The following SGCD variants were observed in gnomAD, a reference collection of about 807,000 sequenced individuals.
The protein encoded by SGCD is delta-sarcoglycan.
SGCD carries 18 observed loss-of-function variants against 36.6 expected under a neutral mutation model. That is an observed-to-expected ratio of 0.49 (90% CI 0.34 to 0.73). SGCD has a LOEUF of 0.73. Among genes scored for constraint, SGCD ranks in the 30% least tolerant of loss-of-function variants. The pLI is 0.01. For synonymous variants in SGCD, 133 were observed against 130.6 expected (o/e 1.02, Z -0.12); for missense variants, 387 against 346.7 (o/e 1.12, Z -0.92).
the SGCD span, among the ~76,000 whole-genome samples, chr5:155,827,186 G>A: frequency 6.6e-6 from 1 of 152,080 alleles, no homozygotes; most frequent in African/African-American, 2.4e-5. Context: ...AATACCTAAC[G>A]GATCAGTTAG....
the SGCD span, among the ~76,000 whole-genome samples, chr5:155,856,489 T>C: frequency 2.0e-5 from 3 of 152,172 alleles, no homozygotes; most frequent in South Asian, 4.1e-4. Context: ...ATGCTGCCTA[T>C]TGAAAACCAT....
intron 1 of SGCD, among the ~76,000 whole-genome samples, chr5:155,971,043 C>T (rs767951029): frequency 1.3e-5 from 2 of 152,102 alleles, no homozygotes; most frequent in Non-Finnish European, 2.9e-5. Context: ...CAAGGAGATA[C>T]ACCTGTTTCA....
chr5:156,523,717 G>T (rs771648843), intron 4 of SGCD, among the ~76,000 whole-genome samples: 2 of 151,846 alleles, frequency 1.3e-5, no homozygotes, highest in Non-Finnish European at 2.9e-5. Flanking sequence ...GAGTTCAGGG[G>T]CAGTCTCACA....
At chr5:156,498,184 C>G (rs1288446323) in intron 3 of SGCD, among the ~76,000 whole-genome samples, 2 of 148,156 alleles carry the variant, frequency 1.3e-5, no homozygotes, top group Non-Finnish European at 3.0e-5. Context: ...TTTATGGATT[C>G]AGGGAATTCC....
At chr5:156,326,614 A>G (rs2127699168), upstream of SGCD, 1 of 152,382 alleles carries the variant, frequency 6.6e-6, no homozygotes, top group African/African-American at 2.4e-5. Context: ...AGCGGCAGGT[A>G]GGGAGATCAA....
chr5:156,566,729 T>C (rs977266338), intron 4 of SGCD, among the ~76,000 whole-genome samples: 6 of 152,184 alleles, frequency 3.9e-5, no homozygotes, highest in African/African-American at 2.4e-5. Context: ...AATAATGATA[T>C]ATTAAAATTA....
chr5:155,896,515 G>C (rs1214472541), intron 1 of SGCD, among the ~76,000 whole-genome samples: 1 of 151,368 alleles, frequency 6.6e-6, no homozygotes, highest in Non-Finnish European at 1.5e-5. Context: ...CCACGATGAT[G>C]TGCGCTTATA....
intron 3 of SGCD, among the ~76,000 whole-genome samples, chr5:156,461,022 C>T (rs957761327): frequency 1.3e-5 from 2 of 152,074 alleles, no homozygotes; most frequent in Non-Finnish European, 2.9e-5. Context: ...CAGAATAGCT[C>T]ATAGAGAAAG....
At chr5:156,558,125 T>TATATATATA (rs56304932) in intron 4 of SGCD, among the ~76,000 whole-genome samples, 2,301 of 107,478 alleles carry the variant, frequency 0.021, 131 homozygotes, top group African/African-American at 0.034. Context: ...ATATATATAT[T>TATATATATA]ATTTAACTCT....
chr5:156,295,045 G>A (rs530010463), intron 3 of SGCD, among the ~76,000 whole-genome samples: 8 of 152,122 alleles, frequency 5.3e-5, no homozygotes, highest in Non-Finnish European at 1.2e-4. Flanking sequence ...AGGTTGGAAA[G>A]GATTGCTATT....
At chr5:156,669,200 C>T (rs548819388) in intron 7 of SGCD, among the ~76,000 whole-genome samples, 9 of 152,144 alleles carry the variant, frequency 5.9e-5, no homozygotes, top group Non-Finnish European at 1.3e-4. Flanking sequence ...CCACACCATT[C>T]GCAGCTGATC....
chr5:156,382,378 G>C (rs1771032255), intron 3 of SGCD, among the ~76,000 whole-genome samples: 1 of 152,154 alleles, frequency 6.6e-6, no homozygotes, highest in African/African-American at 2.4e-5. Flanking sequence ...AAAGCAAAAA[G>C]CCTATCAGGA....
At chr5:156,286,835 G>C (rs920760047) in intron 3 of SGCD, among the ~76,000 whole-genome samples, 1 of 151,084 alleles carries the variant, frequency 6.6e-6, no homozygotes, top group African/African-American at 2.4e-5. Flanking sequence ...AAAAAAAAAA[G>C]AGCACATACA....
intron 4 of SGCD, among the ~76,000 whole-genome samples, chr5:156,549,678 CTCAGCAT>C (rs1286703269): frequency 6.6e-6 from 1 of 152,178 alleles, no homozygotes; most frequent in Non-Finnish European, 1.5e-5. Flanking sequence ...TTACATGATC[CTCAGCAT>C]TCAACTGCTG....
the SGCD span, among the ~76,000 whole-genome samples, chr5:155,850,800 C>G: frequency 0.018 from 2,777 of 152,234 alleles, 96 homozygotes; most frequent in African/African-American, 0.064. Flanking sequence ...ATGTCAGGGA[C>G]ATTCTGGGAG....
At chr5:156,264,206 A>C (rs974156065) in intron 3 of SGCD, among the ~76,000 whole-genome samples, 1 of 152,134 alleles carries the variant, frequency 6.6e-6, no homozygotes, top group Non-Finnish European at 1.5e-5. Flanking sequence ...CCAGAAATAA[A>C]GTCAGGAATC....
chr5:156,056,658 A>AC (rs1219911094), intron 1 of SGCD, among the ~76,000 whole-genome samples: 3 of 141,016 alleles, frequency 2.1e-5, no homozygotes, highest in African/African-American at 7.9e-5. Flanking sequence ...AAAAAAAAAA[A>AC]AAAAAAACAG....
intron 1 of SGCD, among the ~76,000 whole-genome samples, chr5:155,915,812 A>G (rs1756722758): frequency 1.3e-5 from 2 of 152,206 alleles, no homozygotes; most frequent in South Asian, 2.1e-4. Flanking sequence ...TACATTTCAT[A>G]TGTGTGACAT....
At chr5:156,231,892 T>C (rs1765029880) in intron 3 of SGCD, among the ~76,000 whole-genome samples, 1 of 152,204 alleles carries the variant, frequency 6.6e-6, no homozygotes, top group Admixed American at 6.5e-5. Context: ...CTACCTGGAC[T>C]TCCTGCCCTT....
Sources: gnomAD v4.1 joint callset for allele counts (sites outside exome capture counted in the v4.1 genomes callset) on GRCh38, gnomAD v4.1.1 for gene constraint, MANE v1.5 for transcripts, NCBI Gene and HGNC (gene_info 2026-07-23, HGNC 2026-07-21) for gene names.